The following ERP44 variants were observed in gnomAD, a reference collection of about 807,000 sequenced individuals.
ERP44 encodes the protein endoplasmic reticulum resident protein 44.
In ERP44, 25 loss-of-function variants were observed where a neutral mutation model predicts 53.4. That is an observed-to-expected ratio of 0.47 (90% CI 0.34 to 0.65). The LOEUF (loss-of-function observed/expected upper bound fraction) is 0.65. Among genes scored for constraint, ERP44 ranks in the 30% least tolerant of loss-of-function variants. The pLI is 0.01. For synonymous variants in ERP44, 145 were observed against 161.2 expected (o/e 0.90, Z 0.76); for missense variants, 338 against 493.2 (o/e 0.69, Z 2.98).
intron 1 of ERP44, among the ~76,000 whole-genome samples, chr9:100,095,130 T>C (rs1179260329): frequency 6.6e-6 from 1 of 152,022 alleles, no homozygotes; most frequent in Non-Finnish European, 1.5e-5. Context: ...TTTTAAAAAC[T>C]AAAAATTGAA....
At chr9:99,996,889 G>A (rs1830314198) in intron 10 of ERP44, among the ~76,000 whole-genome samples, 1 of 150,288 alleles carries the variant, frequency 6.7e-6, no homozygotes, top group African/African-American at 2.5e-5. Flanking sequence ...GTATTCCATC[G>A]TGTATGTGTA....
chr9:100,012,639 T>A (rs1830486772), intron 8 of ERP44, among the ~76,000 whole-genome samples: 1 of 152,176 alleles, frequency 6.6e-6, no homozygotes, highest in African/African-American at 2.4e-5. Flanking sequence ...ATACCAAAAA[T>A]GTACCATGCT....
intron 10 of ERP44, chr9:99,998,976 C>G (rs1452827927): frequency 7.0e-7 from 1 of 1,426,876 alleles, no homozygotes; most frequent in Non-Finnish European, 9.9e-7. Context: ...TTCTGGATCT[C>G]AGGTCGGCGG....
At chr9:100,079,453 C>CACAG (rs1054115021) in intron 1 of ERP44, among the ~76,000 whole-genome samples, 2 of 149,816 alleles carry the variant, frequency 1.3e-5, no homozygotes, top group East Asian at 1.9e-4. Flanking sequence ...CACACACACA[C>CACAG]ACAGACACCC....
intron 1 of ERP44, among the ~76,000 whole-genome samples, chr9:100,071,511 T>C (rs1826304118): frequency 6.6e-6 from 1 of 152,206 alleles, no homozygotes; most frequent in African/African-American, 2.4e-5. Context: ...TAGTTTCTTA[T>C]TCTTAAGTAG....
At chr9:100,096,917 G>A (rs1458761197) in intron 1 of ERP44, among the ~76,000 whole-genome samples, 3 of 152,130 alleles carry the variant, frequency 2.0e-5, no homozygotes, top group South Asian at 2.1e-4. Context: ...TCAAAGTTGC[G>A]ATTAGACAGG....
intron 4 of ERP44, among the ~76,000 whole-genome samples, chr9:100,050,999 A>G (rs535762463): frequency 2.7e-4 from 41 of 152,356 alleles, no homozygotes; most frequent in African/African-American, 9.9e-4. Flanking sequence ...ATTTGAAATG[A>G]GAACCCACAC....
chr9:100,037,367 A>G (rs1378773837), intron 4 of ERP44, among the ~76,000 whole-genome samples: 2 of 152,158 alleles, frequency 1.3e-5, no homozygotes, highest in Non-Finnish European at 2.9e-5. Context: ...ACCTTGTGCC[A>G]CAGTGCTCTG....
At chr9:99,995,317 G>T (rs898587092) in intron 10 of ERP44, among the ~76,000 whole-genome samples, 5 of 152,082 alleles carry the variant, frequency 3.3e-5, no homozygotes, top group African/African-American at 7.2e-5. Context: ...TTCCTTTCAG[G>T]TCTGAATGCC....
At chr9:100,009,400 C>T (rs752025739) in intron 8 of ERP44, among the ~76,000 whole-genome samples, 10 of 152,238 alleles carry the variant, frequency 6.6e-5, no homozygotes, top group Non-Finnish European at 1.5e-4. Flanking sequence ...GCATGAGCCA[C>T]TGCGCCCAGC....
intron 10 of ERP44, among the ~76,000 whole-genome samples, chr9:99,994,952 C>T (rs770117598): frequency 6.6e-6 from 1 of 152,254 alleles, no homozygotes; most frequent in Non-Finnish European, 1.5e-5. Flanking sequence ...TTGACTGTAT[C>T]GAGTGTTGTA....
At chr9:100,056,329 AT>A (rs1469648078) in intron 3 of ERP44, among the ~76,000 whole-genome samples, 1 of 152,160 alleles carries the variant, frequency 6.6e-6, no homozygotes, top group Non-Finnish European at 1.5e-5. Flanking sequence ...TATAAACAGC[AT>A]TTTCTCTGTG....
chr9:100,098,946 G>T lies in ERP44; in HGVS notation c.-106C>A. Reference sequence around the variant, plus strand: ...GCTCCGGGAGCCGACGGCAGCGGAGGATTCTCCAGGCAGCGGCACCTCGTC... The same window carrying T: ...GCTCCGGGAGCCGACGGCAGCGGAGTATTCTCCAGGCAGCGGCACCTCGTC... On this transcript the variant is annotated 5_prime_UTR_variant, in exon 1 of 12. Coordinates refer to ENST00000262455, the MANE Select transcript of ERP44 (RefSeq NM_015051.3). 3.5e-6 allele frequency: 3 copies of T among 861,592 alleles called. No individual in the cohort carries two copies. The highest frequency in any genetic ancestry group is 2.6e-5 in the East Asian group (1 of 38,628). The allele number at this position is 861,592 out of a possible 1,614,324, so 53.4% of individuals were successfully genotyped here. A position where few individuals can be genotyped will look rare whatever the true frequency, so the allele number is the denominator to read the frequency against.
At chr9:100,082,563 A>C (rs901402692) in intron 1 of ERP44, among the ~76,000 whole-genome samples, 1 of 152,060 alleles carries the variant, frequency 6.6e-6, no homozygotes, top group South Asian at 2.1e-4. Flanking sequence ...ATGGGTACCT[A>C]CAGGAGATTG....
At chr9:100,065,815 A>G (rs1826204574) in intron 1 of ERP44, among the ~76,000 whole-genome samples, 1 of 152,250 alleles carries the variant, frequency 6.6e-6, no homozygotes, top group Admixed American at 6.5e-5. Flanking sequence ...AAAAGAGGTT[A>G]TCAAACATTA....
chr9:100,050,639 CT>C (rs1826026864), intron 4 of ERP44, among the ~76,000 whole-genome samples: 1 of 152,114 alleles, frequency 6.6e-6, no homozygotes, highest in African/African-American at 2.4e-5. Flanking sequence ...ACAATCATTT[CT>C]TTAAAAGAAT....
At chr9:100,063,717 T>C (rs1047819129) in intron 1 of ERP44, among the ~76,000 whole-genome samples, 2 of 152,254 alleles carry the variant, frequency 1.3e-5, no homozygotes, top group Admixed American at 6.5e-5. Context: ...ATGAAATATT[T>C]AGACAACATA....
At chr9:99,996,993 G>A (rs28841661) in intron 10 of ERP44, among the ~76,000 whole-genome samples, 8 of 143,688 alleles carry the variant, frequency 5.6e-5, no homozygotes, top group South Asian at 2.2e-4. Flanking sequence ...ATATGTGTGT[G>A]TATATATATA....
At chr9:100,028,258 T>C (rs1297812918) in intron 4 of ERP44, among the ~76,000 whole-genome samples, 1 of 152,184 alleles carries the variant, frequency 6.6e-6, no homozygotes, top group Non-Finnish European at 1.5e-5. Context: ...CCAGCAAGCA[T>C]ATGAATGCCT....
Sources: gnomAD v4.1 joint callset for allele counts (sites outside exome capture counted in the v4.1 genomes callset) on GRCh38, gnomAD v4.1.1 for gene constraint, MANE v1.5 for transcripts, NCBI Gene and HGNC (gene_info 2026-07-23, HGNC 2026-07-21) for gene names.